The following PTN variants were observed in gnomAD, a reference collection of about 807,000 sequenced individuals.
PTN encodes the protein pleiotrophin.
In PTN, 18 loss-of-function variants were observed where a neutral mutation model predicts 24.1. The observed-to-expected ratio is 0.75, with a 90% CI of 0.52 to 1.11. The LOEUF (loss-of-function observed/expected upper bound fraction) is 1.11. Ranked by LOEUF, PTN falls within the 50% of genes least tolerant of loss-of-function variation. PTN has a pLI of 0.00. For missense variants in PTN, 163 were observed against 198.8 expected (o/e 0.82, Z 1.08); for synonymous variants, 78 against 68.6 (o/e 1.14, Z -0.67).
chr7:137,290,702 A>G (rs962581941), intron 1 of PTN, among the ~76,000 whole-genome samples: 2 of 152,148 alleles, frequency 1.3e-5, no homozygotes, highest in Admixed American at 1.3e-4. Context: ...ACCAACTTCA[A>G]GAATTTGGAG....
rs1808358507 is a variant in PTN at position 137,227,780 on chromosome 7, A to G, written c.*240T>C. On this transcript the variant is annotated 3_prime_UTR_variant, in exon 5 of 5. Coordinates refer to ENST00000348225, the MANE Select transcript of PTN (RefSeq NM_002825.7). ...AACTTACCTCAATTGTCTATCATTTATCATGTACTATAAGTCAACTTCCTA... is the reference window on the plus strand; with the variant it reads ...AACTTACCTCAATTGTCTATCATTTGTCATGTACTATAAGTCAACTTCCTA... 1 of 348,534 alleles carries G rather than the reference A, an allele frequency of 2.9e-6. No individual in the cohort carries two copies. Among genetic ancestry groups the G allele is most frequent in the Non-Finnish European group, 5.1e-6 (1 of 195,164 alleles). The allele number at this position is 348,534 out of a possible 1,614,324, so 21.6% of individuals were successfully genotyped here.
intron 1 of PTN, among the ~76,000 whole-genome samples, chr7:137,310,693 C>A (rs1809967305): frequency 6.6e-6 from 1 of 152,120 alleles, no homozygotes; most frequent in Admixed American, 6.6e-5. Flanking sequence ...CATGAGCCAC[C>A]ACCGCAGGCC....
chr7:137,306,064 C>T (rs966210457), intron 1 of PTN, among the ~76,000 whole-genome samples: 4 of 152,086 alleles, frequency 2.6e-5, no homozygotes, highest in African/African-American at 9.7e-5. Context: ...AAAGTGGATT[C>T]AACTCATTTT....
intron 1 of PTN, among the ~76,000 whole-genome samples, chr7:137,280,610 T>C (rs553657876): frequency 7.4e-5 from 11 of 148,600 alleles, no homozygotes; most frequent in African/African-American, 2.5e-4. Context: ...TCCCAGCAAT[T>C]TGGGAGGCCG....
Position 137,228,015 on chromosome 7 carries a change from A to AT in PTN, c.*4dup. On this transcript the variant is annotated 3_prime_UTR_variant, in exon 5 of 5. Coordinates refer to ENST00000348225, the MANE Select transcript of PTN (RefSeq NM_002825.7). Reference sequence around the variant, plus strand: ...GTCCTTTTTATGTTCCACAGGTGACATCTTTTAATCCAGCATCTTCTCCTG... The same window carrying AT: ...GTCCTTTTTATGTTCCACAGGTGACATTCTTTTAATCCAGCATCTTCTCCTG... 1 of 1,608,874 alleles carries AT rather than the reference A, an allele frequency of 6.2e-7. No homozygotes were observed. Among genetic ancestry groups the AT allele is most frequent in the African/African-American group, 1.3e-5 (1 of 74,626 alleles).
At chr7:137,303,019 G>A (rs1809831772) in intron 1 of PTN, among the ~76,000 whole-genome samples, 1 of 151,964 alleles carries the variant, frequency 6.6e-6, no homozygotes, top group Non-Finnish European at 1.5e-5. Context: ...ATAAGGCACT[G>A]TTTCTATTGG....
At chr7:137,306,811 G>C (rs1047910096) in intron 1 of PTN, among the ~76,000 whole-genome samples, 1 of 152,092 alleles carries the variant, frequency 6.6e-6, no homozygotes, top group Non-Finnish European at 1.5e-5. Context: ...TCACATTCAT[G>C]TTAGTATGTC....
intron 1 of PTN, among the ~76,000 whole-genome samples, chr7:137,280,235 A>G (rs1022591331): frequency 2.0e-5 from 3 of 152,184 alleles, no homozygotes; most frequent in African/African-American, 7.2e-5. Context: ...TATGTAAGTA[A>G]GTAAAGTTAA....
intron 1 of PTN, among the ~76,000 whole-genome samples, chr7:137,265,865 G>A (rs1377628379): frequency 6.6e-6 from 1 of 152,016 alleles, no homozygotes; most frequent in Non-Finnish European, 1.5e-5. Context: ...TAACTTTTAT[G>A]ATCTTCTTGT....
At chr7:137,241,752 AAAAG>A in intron 4 of PTN, among the ~76,000 whole-genome samples, 1 of 152,308 alleles carries the variant, frequency 6.6e-6, no homozygotes, top group South Asian at 2.1e-4. Flanking sequence ...AGCAGAATAA[AAAAG>A]AAATAAAAAC....
intron 1 of PTN, among the ~76,000 whole-genome samples, chr7:137,261,303 G>A (rs1448215447): frequency 6.6e-6 from 1 of 151,946 alleles, no homozygotes; most frequent in African/African-American, 2.4e-5. Context: ...CATTTTCTGT[G>A]AGCAGAGTGA....
At chr7:137,281,771 T>TA (rs1364607333) in intron 1 of PTN, among the ~76,000 whole-genome samples, 2 of 152,110 alleles carry the variant, frequency 1.3e-5, no homozygotes, top group Non-Finnish European at 2.9e-5. Context: ...AATTTAAAAG[T>TA]AAAAAAATAA....
At chr7:137,266,662 T>A (rs1013293182) in intron 1 of PTN, among the ~76,000 whole-genome samples, 6 of 149,070 alleles carry the variant, frequency 4.0e-5, no homozygotes, top group Non-Finnish European at 8.9e-5. Flanking sequence ...ACCATTCTGT[T>A]TTTTTTTTTT....
chr7:137,328,599 A>G lies in PTN; in HGVS notation c.-2+14840T>C, dbSNP rs568364364. On this transcript the variant is annotated intron_variant, in intron 1 of 4. Coordinates refer to ENST00000348225, the MANE Select transcript of PTN (RefSeq NM_002825.7). ...ACAAACCCGGCACTGTGGCCTCCCC[A>G]AGGGATAGAACACAGCAATCCAACA... Among the ~76,000 whole-genome samples the G allele has an allele frequency of 2.0e-5, 3 of 152,270 alleles. No homozygotes were observed. In the South Asian group the frequency reaches 6.2e-4, roughly 32 times the overall value.
chr7:137,304,562 AAAG>A (rs1210621093), intron 1 of PTN, among the ~76,000 whole-genome samples: 1 of 152,032 alleles, frequency 6.6e-6, no homozygotes, highest in Non-Finnish European at 1.5e-5. Flanking sequence ...GGAGGGCAAA[AAAG>A]AAGGAATGCC....
At chr7:137,269,023 T>G (rs1324716799) in intron 1 of PTN, among the ~76,000 whole-genome samples, 1 of 152,222 alleles carries the variant, frequency 6.6e-6, no homozygotes, top group East Asian at 1.9e-4. Context: ...AATTCTTGAA[T>G]TGGCCATATA....
intron 1 of PTN, among the ~76,000 whole-genome samples, chr7:137,320,246 G>C (rs930005948): frequency 6.6e-6 from 1 of 152,180 alleles, no homozygotes; most frequent in Non-Finnish European, 1.5e-5. Flanking sequence ...CACAGGCACT[G>C]TCTCTTCCCA....
chr7:137,304,650 A>T (rs1809858581), intron 1 of PTN, among the ~76,000 whole-genome samples: 1 of 151,996 alleles, frequency 6.6e-6, no homozygotes, highest in South Asian at 2.1e-4. Context: ...AAAAACTCAG[A>T]AGATGAAAAG....
At chr7:137,308,530 T>C (rs1809925807) in intron 1 of PTN, among the ~76,000 whole-genome samples, 3 of 152,318 alleles carry the variant, frequency 2.0e-5, no homozygotes, top group Middle Eastern at 6.8e-3. Flanking sequence ...TGGTAGATTC[T>C]GCCAGGCTGC....
Sources: allele counts gnomAD v4.1 joint callset (sites outside exome capture counted in the v4.1 genomes callset), GRCh38; gene constraint gnomAD v4.1.1; transcripts MANE v1.5; gene names NCBI Gene and HGNC (gene_info 2026-07-23, HGNC 2026-07-21).